Variants in CLINT1 observed in about 807,000 individuals in gnomAD.
CLINT1 encodes clathrin interacting protein localized in the trans-Golgi region.
In CLINT1, 15 loss-of-function variants were observed where a neutral mutation model predicts 70.4. The observed-to-expected ratio is 0.21, with a 90% CI of 0.14 to 0.33. The LOEUF (loss-of-function observed/expected upper bound fraction) is 0.33. CLINT1 is among the 10% of genes least tolerant of loss of function. CLINT1 has a pLI of 1.00. For synonymous variants in CLINT1, 227 were observed against 254.7 expected (o/e 0.89, Z 1.04); for missense variants, 615 against 778.1 (o/e 0.79, Z 2.49).
intron 1 of CLINT1, among the ~76,000 whole-genome samples, chr5:157,824,807 C>T (rs1054665188): frequency 6.6e-6 from 1 of 152,094 alleles, no homozygotes; most frequent in Non-Finnish European, 1.5e-5. Flanking sequence ...TCTTTTAATT[C>T]CAAAGCCCAT....
chr5:157,796,337 A>G (rs749637217), intron 8 of CLINT1, among the ~76,000 whole-genome samples: 1 of 152,242 alleles, frequency 6.6e-6, no homozygotes, highest in Admixed American at 6.5e-5. Flanking sequence ...ACTTTTACCT[A>G]TAATTTCAAT....
At chr5:157,840,589 T>C (rs1753139641) in intron 1 of CLINT1, among the ~76,000 whole-genome samples, 1 of 144,454 alleles carries the variant, frequency 6.9e-6, no homozygotes, top group Non-Finnish European at 1.5e-5. Flanking sequence ...TGTATGTGTG[T>C]GCGTTTGCGT....
At chr5:157,830,796 C>CTCTATCTCTCTCTA (rs1300619885) in intron 1 of CLINT1, among the ~76,000 whole-genome samples, 1 of 85,720 alleles carries the variant, frequency 1.2e-5, no homozygotes, top group East Asian at 3.5e-4. Flanking sequence ...CTCTCTCTCT[C>CTCTATCTCTCTCTA]TATATATATA....
chr5:157,808,607 T>C (rs1265538001), intron 6 of CLINT1, among the ~76,000 whole-genome samples: 2 of 152,120 alleles, frequency 1.3e-5, no homozygotes, highest in Non-Finnish European at 1.5e-5. Flanking sequence ...GCATTACCCT[T>C]TACATTCTCA....
intron 1 of CLINT1, among the ~76,000 whole-genome samples, chr5:157,854,395 G>A (rs1753678678): frequency 6.6e-6 from 1 of 152,070 alleles, no homozygotes; most frequent in Admixed American, 6.6e-5. Context: ...ACTAGCCTGG[G>A]CAACATAGCA....
At chr5:157,834,830 T>C (rs979158593) in intron 1 of CLINT1, among the ~76,000 whole-genome samples, 29 of 152,220 alleles carry the variant, frequency 1.9e-4, no homozygotes, top group African/African-American at 6.8e-4. Flanking sequence ...ACAATGGCTA[T>C]GTATGAATTT....
At position 157,789,511 on chromosome 5, in the gene CLINT1, A is replaced by G. The variant is rs1308453464; in HGVS notation, c.1383T>C (p.Asn461=). 5 of 1,613,864 alleles carry G rather than the reference A, an allele frequency of 3.1e-6. No individual in the cohort carries two copies. In the Admixed American group the frequency reaches 6.7e-5, roughly 22 times the overall value. The change falls in exon 11 of 12, where the codon AAT becomes AAC. Residue 461 remains asparagine (N), a splice_region_variant and synonymous_variant. Transcript: ENST00000411809. ...GLGLPMSRSQ[N]TDMVQKSVSK... ...TGACTGATTTCTGGACCATATCTGT[A>G]TTCTGATTATAGAGAGGATTAGGCT... is the stretch of plus-strand genomic sequence containing the variant.
rs935951608 is a variant in CLINT1, at chr5:157,785,906, C to A, written c.*1740G>T. ...GGCTGGCTTGATTGCTCTGAAGTAA[C>A]AACACTTGAAAGCTCCTATTCTTTG... On this transcript the variant is annotated 3_prime_UTR_variant, in exon 12 of 12. Coordinates refer to ENST00000411809, the MANE Select transcript of CLINT1 (RefSeq NM_014666.4). The A allele has an allele frequency of 2.0e-5, 3 of 152,140 alleles. No homozygotes were observed. Among genetic ancestry groups the A allele is most frequent in the African/African-American group, 7.2e-5 (3 of 41,438 alleles). The allele number at this position is 152,140 out of a possible 1,614,324, so 9.4% of individuals were successfully genotyped here.
intron 3 of CLINT1, among the ~76,000 whole-genome samples, chr5:157,814,934 G>A (rs1301062580): frequency 6.6e-6 from 1 of 150,732 alleles, no homozygotes; most frequent in Non-Finnish European, 1.5e-5. Flanking sequence ...TGAGGTGGCT[G>A]AAGCACAAGA....
intron 3 of CLINT1, among the ~76,000 whole-genome samples, chr5:157,816,211 T>TAA (rs1455351039): frequency 6.6e-6 from 1 of 152,114 alleles, no homozygotes; most frequent in Non-Finnish European, 1.5e-5. Context: ...ATATGGTAGG[T>TAA]TATAGAAGCA....
intron 4 of CLINT1, 50 bp downstream of exon 4, chr5:157,814,133 GAC>G: frequency 8.4e-7 from 1 of 1,196,256 alleles, no homozygotes; most frequent in East Asian, 2.5e-5. Flanking sequence ...TCAGGTGACT[GAC>G]AACTCCAACT....
At chr5:157,808,401 G>A (rs1762450484) in intron 6 of CLINT1, among the ~76,000 whole-genome samples, 1 of 152,004 alleles carries the variant, frequency 6.6e-6, no homozygotes, top group Non-Finnish European at 1.5e-5. Flanking sequence ...TTAGTTACGA[G>A]AACTCACTTG....
intron 1 of CLINT1, chr5:157,823,851 T>C (rs1762949983): frequency 5.2e-6 from 1 of 192,478 alleles, no homozygotes; most frequent in African/African-American, 2.4e-5. Flanking sequence ...CGAGCGTCAC[T>C]GCCTGAGCTC....
rs1762756875 is a variant in CLINT1 at position 157,817,491 on chromosome 5, T to C, written c.98A>G (p.Asn33Ser). Residue 33 changes from asparagine (N) to serine (S), a missense_variant, in exon 2 of 12, where the codon AAC becomes AGC. Transcript: ENST00000411809. ...EIESKVREAT[N>S]DDPWGPSGQL... is the part of the protein sequence containing the mutation. ...CCCAGAAGGTCCCCAAGGATCATCG[T>C]TCGTTGCCTCTCGAACCTTAGACTC... 6.2e-7 allele frequency: 1 copy of C among 1,606,750 alleles called. No homozygotes were observed. Among genetic ancestry groups the C allele is most frequent in the Non-Finnish European group, 8.5e-7 (1 of 1,176,346 alleles).
chr5:157,785,767 G>A lies in CLINT1; in HGVS notation c.*1879C>T, dbSNP rs1761705352. 6.6e-6 allele frequency: 1 copy of A among 152,024 alleles called. No homozygotes were observed. The highest frequency in any genetic ancestry group is 2.1e-4 in the South Asian group (1 of 4,820). The allele number at this position is 152,024 out of a possible 1,614,324, so 9.4% of individuals were successfully genotyped here. ...AAAGGTTCAGATAAACATTTACTTC[G>A]TCTAAGAACCATACATATTTGAGAA... On this transcript the variant is annotated 3_prime_UTR_variant, in exon 12 of 12. Coordinates refer to ENST00000411809, the MANE Select transcript of CLINT1 (RefSeq NM_014666.4).
In CLINT1 at chr5:157,813,065, T is replaced by A; in HGVS notation, c.515A>T (p.Tyr172Phe). 6.2e-7 allele frequency: 1 copy of A among 1,613,704 alleles called. No individual in the cohort carries two copies. The highest frequency in any genetic ancestry group is 8.5e-7 in the Non-Finnish European group (1 of 1,179,686). ...GTCAGCTTGTCTTTGATACTCACTG[T>A]ATCTGAATCCTCCAACACTGTCTGA... is the stretch of plus-strand genomic sequence containing the variant. Reference protein sequence around the residue: ...VSSDSVGGFRYSERYDPEPKS... With the variant: ...VSSDSVGGFRFSERYDPEPKS... Residue 172 changes from tyrosine to phenylalanine, a missense_variant and splice_region_variant, in exon 5 of 12, where the codon TAC becomes TTC. Tyr to Phe is a conservative substitution (Grantham distance 22). Coordinates refer to ENST00000411809, the MANE Select transcript of CLINT1 (RefSeq NM_014666.4).
intron 1 of CLINT1, among the ~76,000 whole-genome samples, chr5:157,843,079 T>C (rs2113305539): frequency 6.6e-6 from 1 of 152,248 alleles, no homozygotes; most frequent in African/African-American, 2.4e-5. Flanking sequence ...GTATTTTAGA[T>C]CCCAATTCTA....
intron 1 of CLINT1, among the ~76,000 whole-genome samples, chr5:157,824,832 C>T (rs1181916543): frequency 1.3e-5 from 2 of 152,162 alleles, no homozygotes; most frequent in South Asian, 2.1e-4. Flanking sequence ...TATTATGTCA[C>T]ACTGTACTAA....
intron 11 of CLINT1, among the ~76,000 whole-genome samples, chr5:157,788,578 T>A (rs1761798584): frequency 2.6e-5 from 4 of 152,216 alleles, no homozygotes; most frequent in Admixed American, 2.6e-4. Context: ...ATCATTTTCC[T>A]AAGAATATTA....
Sources: allele counts gnomAD v4.1 joint callset (sites outside exome capture counted in the v4.1 genomes callset), GRCh38; gene constraint gnomAD v4.1.1; transcripts MANE v1.5; gene names NCBI Gene and HGNC (gene_info 2026-07-23, HGNC 2026-07-21).